Variants in DCBLD2 observed in about 807,000 individuals in gnomAD.
DCBLD2 encodes discoidin, CUB and LCCL domain containing 2, also known as discoidin, CUB and LCCL domain-containing protein 2.
In DCBLD2, 54 loss-of-function variants were observed where a neutral mutation model predicts 86.8. The observed-to-expected ratio is 0.62, with a 90% confidence interval of 0.50 to 0.78. The LOEUF is 0.78. Among genes scored for constraint, DCBLD2 ranks in the 30% least tolerant of loss-of-function variants. The probability of loss-of-function intolerance (pLI) is 0.00; values close to 1 mark genes in which losing one functional copy is unlikely to be tolerated. For synonymous variants in DCBLD2, 354 were observed against 341.3 expected (o/e 1.04, Z -0.41); for missense variants, 908 against 954.2 (o/e 0.95, Z 0.64).
At chr3:98,874,033 A>G (rs1054925567) in intron 2 of DCBLD2, among the ~76,000 whole-genome samples, 10 of 152,200 alleles carry the variant, frequency 6.6e-5, no homozygotes, top group Admixed American at 1.3e-4. Flanking sequence ...GTTTATTACA[A>G]TTGGACCCAT....
rs1010772028 is a variant in DCBLD2 at position 98,901,152 on chromosome 3, G to A, written c.175C>T (p.Leu59=). The change falls in exon 1 of 16, where the codon CTG becomes TTG. Residue 59 remains leucine (L), a synonymous_variant. Transcript: ENST00000326840. ...LFLLLLLVLL[L]LLEDAGAQQG... ...TGGGCTCCAGCGTCCTCGAGCAGCAGGAGCAGGACAAGTAAGAGCAGGAGG... is the reference window on the plus strand; with the variant it reads ...TGGGCTCCAGCGTCCTCGAGCAGCAAGAGCAGGACAAGTAAGAGCAGGAGG... The A allele has an allele frequency of 3.3e-6, 5 of 1,535,906 alleles. No individual in the cohort carries two copies. In the African/African-American group the frequency reaches 6.9e-5, roughly 21 times the overall value.
intron 2 of DCBLD2, among the ~76,000 whole-genome samples, chr3:98,876,412 T>TAAAAAAAAAAAAAAAAAAAAAAAAAAAAA (rs60681986): frequency 1.1e-4 from 5 of 47,534 alleles, no homozygotes; most frequent in Non-Finnish European, 1.4e-4. Context: ...AGATAAAAAG[T>TAAAAAAAAAAAAAAAAAAAAAAAAAAAAA]AAAAAAAAAA....
chr3:98,873,749 A>C (rs1326927540), intron 2 of DCBLD2, among the ~76,000 whole-genome samples: 2 of 152,138 alleles, frequency 1.3e-5, no homozygotes, highest in Admixed American at 6.5e-5. Context: ...ATGAAAATAG[A>C]GATTAATAAT....
In DCBLD2 at chr3:98,799,508, T is replaced by C. The variant is rs1025855126; in HGVS notation, c.2192A>G (p.Gln731Arg). Residue 731 changes from glutamine to arginine, a missense_variant, in exon 16 of 16, where the codon CAG becomes CGG. Gln to Arg is a conservative substitution (Grantham distance 43). This residue lies in a region of DCBLD2 where 606 missense variants were observed against 678.5 expected (regional missense o/e 0.89). Coordinates refer to ENST00000326840, the MANE Select transcript of DCBLD2 (RefSeq NM_080927.4). ...CTTCCCAGCTTTCGGGGTATCATACTGGGCCTGGGCTGAGGAGCAGCTGTC... is the reference window on the plus strand; with the variant it reads ...CTTCCCAGCTTTCGGGGTATCATACCGGGCCTGGGCTGAGGAGCAGCTGTC... ...RTDSCSSAQA[Q>R]YDTPKAGKPG... The C allele has an allele frequency of 1.2e-6, 2 of 1,614,040 alleles. No homozygotes were observed. The highest frequency in any genetic ancestry group is 1.3e-5 in the African/African-American group (1 of 75,054).
At chr3:98,824,557 TTAGTAAGA>T (rs974537711) in intron 4 of DCBLD2, among the ~76,000 whole-genome samples, 18 of 151,948 alleles carry the variant, frequency 1.2e-4, no homozygotes, top group Admixed American at 8.5e-4. Context: ...TTCGGAAAAG[TTAGTAAGA>T]TGGCTCTTGA....
intron 2 of DCBLD2, among the ~76,000 whole-genome samples, chr3:98,869,338 G>C (rs1028776186): frequency 2.7e-4 from 41 of 152,146 alleles, no homozygotes; most frequent in African/African-American, 9.2e-4. Flanking sequence ...GTAGATTACG[G>C]ACATTAGTCC....
Position 98,796,332 on chromosome 3 carries a change from T to A in DCBLD2, c.*3040A>T, listed in dbSNP as rs1233770524. ...TGCCACAGTTGACTTTAAAAGCATTTTAATAACCACCCAACTCTTAGATTT... is the reference window on the plus strand; with the variant it reads ...TGCCACAGTTGACTTTAAAAGCATTATAATAACCACCCAACTCTTAGATTT... On this transcript the variant is annotated 3_prime_UTR_variant, in exon 16 of 16. Coordinates refer to ENST00000326840, the MANE Select transcript of DCBLD2 (RefSeq NM_080927.4). The A allele has an allele frequency of 1.3e-5, 2 of 152,512 alleles. No individual in the cohort carries two copies. The highest frequency in any genetic ancestry group is 4.8e-5 in the African/African-American group (2 of 41,410). 9.4% of individuals were successfully genotyped at this position (152,512 alleles called of 1,614,324 possible).
intron 2 of DCBLD2, among the ~76,000 whole-genome samples, chr3:98,869,819 C>T (rs1233473390): frequency 6.6e-6 from 1 of 152,166 alleles, no homozygotes; most frequent in African/African-American, 2.4e-5. Flanking sequence ...TTTTCATGAA[C>T]AATGTTAGCA....
chr3:98,796,220 T>C lies in DCBLD2; in HGVS notation c.*3152A>G, dbSNP rs1466894795. On this transcript the variant is annotated 3_prime_UTR_variant, in exon 16 of 16. Coordinates refer to ENST00000326840, the MANE Select transcript of DCBLD2 (RefSeq NM_080927.4). Reference sequence around the variant, plus strand: ...ATATGTATTTCAATACATGTTTGTTTCCACTTTTCCCAGTGCCACACACAC... The same window carrying C: ...ATATGTATTTCAATACATGTTTGTTCCCACTTTTCCCAGTGCCACACACAC... The C allele has an allele frequency of 6.6e-6, 1 of 150,574 alleles. No homozygotes were observed. Among genetic ancestry groups the C allele is most frequent in the East Asian group, 2.0e-4 (1 of 4,916 alleles). 9.3% of individuals were successfully genotyped at this position (150,574 alleles called of 1,614,324 possible). A position where few individuals can be genotyped will look rare whatever the true frequency, so the allele number is the denominator to read the frequency against.
chr3:98,820,321 T>C, intron 6 of DCBLD2, 33 bp from the exon 7 acceptor site: 1 of 1,423,628 alleles, frequency 7.0e-7, no homozygotes, highest in Non-Finnish European at 9.3e-7. Context: ...TTGGTGATAC[T>C]CACATAACAC....
chr3:98,817,967 A>G, intron 8 of DCBLD2, 74 bp from the exon 9 acceptor site: 1 of 1,554,052 alleles, frequency 6.4e-7, no homozygotes, highest in East Asian at 2.3e-5. Flanking sequence ...CAAAGTATAA[A>G]CACTTGAAAT....
At chr3:98,849,140 G>C (rs1316796279) in intron 3 of DCBLD2, among the ~76,000 whole-genome samples, 4 of 148,162 alleles carry the variant, frequency 2.7e-5, no homozygotes, top group Non-Finnish European at 3.0e-5. Context: ...CTGCACTCCA[G>C]CCTGGGCAAC....
chr3:98,889,183 T>G (rs1943613393), intron 1 of DCBLD2, among the ~76,000 whole-genome samples: 1 of 152,008 alleles, frequency 6.6e-6, no homozygotes, highest in African/African-American at 2.4e-5. Flanking sequence ...ATAATTTCTC[T>G]TTGTCAAAGA....
chr3:98,877,111 T>C (rs964109179), intron 2 of DCBLD2, among the ~76,000 whole-genome samples: 2 of 152,192 alleles, frequency 1.3e-5, no homozygotes, highest in Admixed American at 6.5e-5. Flanking sequence ...TCTACCTTTT[T>C]GTACAGTTTT....
At chr3:98,834,781 T>C (rs1942398302) in intron 3 of DCBLD2, among the ~76,000 whole-genome samples, 1 of 152,260 alleles carries the variant, frequency 6.6e-6, no homozygotes, top group Admixed American at 6.5e-5. Context: ...ATCTTTTCCA[T>C]ATATTGAAAC....
chr3:98,878,067 A>G (rs1316597218), intron 2 of DCBLD2, among the ~76,000 whole-genome samples: 1 of 152,204 alleles, frequency 6.6e-6, no homozygotes, highest in Admixed American at 6.5e-5. Context: ...ATTAGAAAAT[A>G]ATAATTGATT....
Position 98,808,067 on chromosome 3 carries a change from A to C in DCBLD2, c.1670+14T>G. ...TGGTAGTTTTGGACTCAGGTGAACTAGTTATGTACTAACCTGTTTCTCCAG... is the reference window on the plus strand; with the variant it reads ...TGGTAGTTTTGGACTCAGGTGAACTCGTTATGTACTAACCTGTTTCTCCAG... On this transcript the variant is annotated intron_variant, in intron 13 of 15. Transcript: ENST00000326840. 6.4e-7 allele frequency: 1 copy of C among 1,553,416 alleles called. No individual in the cohort carries two copies. Among genetic ancestry groups the C allele is most frequent in the Non-Finnish European group, 8.7e-7 (1 of 1,153,104 alleles).
chr3:98,871,370 G>A (rs1029410537), intron 2 of DCBLD2, among the ~76,000 whole-genome samples: 1 of 152,058 alleles, frequency 6.6e-6, no homozygotes, highest in African/African-American at 2.4e-5. Flanking sequence ...CCAGTTCTTA[G>A]GAAGAATGCT....
rs555468075 is a variant in DCBLD2, at chr3:98,882,075, TTCC to T, written c.206-311_206-309del. On this transcript the variant is annotated intron_variant, in intron 1 of 15. Transcript: ENST00000326840. ...ACTATAGCCATCCTGCAGTGGTAGA[TTCC>T]TCCTATCTAGCTGTAACTTTGTATC... is the stretch of plus-strand genomic sequence containing the variant. 8.9e-3 allele frequency among the ~76,000 whole-genome samples: 1,353 copies of T among 152,296 alleles called. 17 individuals are homozygous for T. The highest frequency in any genetic ancestry group is 0.031 in the African/African-American group (1,301 of 41,542).
Sources: gnomAD v4.1 joint callset for allele counts (sites outside exome capture counted in the v4.1 genomes callset) on GRCh38, gnomAD v4.1.1 for gene constraint, gnomAD v4.1.1 regional missense constraint, MANE v1.5 for transcripts, NCBI Gene and HGNC (gene_info 2026-07-23, HGNC 2026-07-21) for gene names.